The following ALDH1A2 variants were observed in gnomAD, a reference collection of about 807,000 sequenced individuals.
The protein encoded by ALDH1A2 is aldehyde dehydrogenase 1 family member A2.
In ALDH1A2, 27 loss-of-function variants were observed where a neutral mutation model predicts 60.3. The ratio of observed to expected loss-of-function variants is 0.45; its 90% CI spans 0.33 to 0.62. The LOEUF (loss-of-function observed/expected upper bound fraction) is 0.62. ALDH1A2 is among the 20% of genes least tolerant of loss of function. The pLI, the probability that ALDH1A2 is intolerant of heterozygous loss-of-function variation, is 0.02. For synonymous variants in ALDH1A2, 289 were observed against 232.4 expected (o/e 1.24, Z -2.21); for missense variants, 581 against 643.8 (o/e 0.90, Z 1.06).
At chr15:58,015,407 T>C (rs1396855357) in intron 1 of ALDH1A2, among the ~76,000 whole-genome samples, 2 of 152,218 alleles carry the variant, frequency 1.3e-5, no homozygotes, top group African/African-American at 4.8e-5. Context: ...AAACTATAAC[T>C]TTCTTTTCCC....
At chr15:58,000,835 T>C (rs1442524458) in intron 4 of ALDH1A2, among the ~76,000 whole-genome samples, 1 of 151,782 alleles carries the variant, frequency 6.6e-6, no homozygotes, top group African/African-American at 2.4e-5. Flanking sequence ...ATGCTTCTGA[T>C]CCACAGACCA....
chr15:57,968,906 GAGA>G (rs1893977149), intron 7 of ALDH1A2, among the ~76,000 whole-genome samples: 1 of 152,180 alleles, frequency 6.6e-6, no homozygotes, highest in African/African-American at 2.4e-5. Flanking sequence ...ATGATCATCA[GAGA>G]AGAATACCTA....
chr15:57,974,388 G>C (rs374193057), intron 7 of ALDH1A2, among the ~76,000 whole-genome samples: 1 of 144,722 alleles, frequency 6.9e-6, no homozygotes, highest in Non-Finnish European at 1.5e-5. Flanking sequence ...AGCCAAGATC[G>C]CGCCACTGCA....
chr15:58,013,963 C>T lies in ALDH1A2; in HGVS notation c.258G>A (p.Leu86=), dbSNP rs61757678. 3.1e-4 allele frequency: 504 copies of T among 1,613,952 alleles called. No homozygotes were observed. Among genetic ancestry groups the T allele is most frequent in the Non-Finnish European group, 4.1e-4 (478 of 1,180,002 alleles). ...TCCACACTGAACCAAGAGAGAAAGC[C>T]AGGCGGGCTGCCTGCACTGCTTTGT... The part of the protein sequence containing the change: ...DIDKAVQAAR[L]AFSLGSVWRR... The change falls in exon 3 of 13, where the codon CTG becomes CTA. Residue 86 remains leucine (L), a synonymous_variant. Coordinates refer to ENST00000249750, the MANE Select transcript of ALDH1A2 (RefSeq NM_003888.4).
At chr15:58,018,808 A>G (rs55866609) in intron 1 of ALDH1A2, among the ~76,000 whole-genome samples, 2 of 152,116 alleles carry the variant, frequency 1.3e-5, no homozygotes, top group Non-Finnish European at 2.9e-5. Context: ...CCACAAAATA[A>G]TTGTCCTATA....
chr15:57,988,225 G>C (rs547657622), intron 7 of ALDH1A2, among the ~76,000 whole-genome samples: 1 of 152,300 alleles, frequency 6.6e-6, no homozygotes, highest in East Asian at 1.9e-4. Flanking sequence ...GCTGCTGTAT[G>C]GTTACCACAC....
chr15:58,033,944 T>A (rs888477758), intron 1 of ALDH1A2, among the ~76,000 whole-genome samples: 1 of 151,636 alleles, frequency 6.6e-6, no homozygotes, highest in South Asian at 2.1e-4. Flanking sequence ...TTTGTTCTTT[T>A]CCTTCAATAT....
chr15:58,048,467 G>A (rs953385132), intron 1 of ALDH1A2, among the ~76,000 whole-genome samples: 1 of 152,094 alleles, frequency 6.6e-6, no homozygotes, highest in African/African-American at 2.4e-5. Flanking sequence ...GTCACTAGTC[G>A]TGTTCCCCAG....
chr15:57,989,162 G>A (rs1270077530), intron 7 of ALDH1A2, among the ~76,000 whole-genome samples: 5 of 152,144 alleles, frequency 3.3e-5, no homozygotes, highest in African/African-American at 1.2e-4. Context: ...AATGTTACTC[G>A]TTTTTAGACT....
chr15:57,962,580 TTTTAGA>T (rs539961776), intron 9 of ALDH1A2, among the ~76,000 whole-genome samples: 110 of 152,306 alleles, frequency 7.2e-4, no homozygotes, highest in Non-Finnish European at 1.2e-3. Context: ...CACACAGCCT[TTTTAGA>T]TAGTGCTACA....
At chr15:58,047,808 A>G (rs1896671648) in intron 1 of ALDH1A2, among the ~76,000 whole-genome samples, 1 of 152,016 alleles carries the variant, frequency 6.6e-6, no homozygotes, top group South Asian at 2.1e-4. Context: ...GCTTCACGCC[A>G]AAACATCTGG....
chr15:57,997,381 G>A (rs1350523351), intron 4 of ALDH1A2, among the ~76,000 whole-genome samples: 1 of 151,986 alleles, frequency 6.6e-6, no homozygotes, highest in Non-Finnish European at 1.5e-5. Context: ...TTCTGCAACT[G>A]AACTCTCTAA....
chr15:57,977,293 T>C (rs1359467441), intron 7 of ALDH1A2, among the ~76,000 whole-genome samples: 1 of 152,192 alleles, frequency 6.6e-6, no homozygotes, highest in Non-Finnish European at 1.5e-5. Context: ...TTGCCTTTGG[T>C]GTTCTAGTCA....
intron 1 of ALDH1A2, among the ~76,000 whole-genome samples, chr15:58,056,850 C>T (rs548858578): frequency 6.6e-6 from 1 of 151,994 alleles, no homozygotes; most frequent in South Asian, 2.1e-4. Flanking sequence ...TTCACACTTA[C>T]CAGGTTAGCA....
intron 7 of ALDH1A2, among the ~76,000 whole-genome samples, chr15:57,974,221 CAGG>C (rs1338223286): frequency 6.6e-6 from 1 of 152,034 alleles, no homozygotes; most frequent in South Asian, 2.1e-4. Flanking sequence ...ATCACGTGGT[CAGG>C]AGATCAAGAC....
At chr15:57,977,690 T>G (rs1399915727) in intron 7 of ALDH1A2, among the ~76,000 whole-genome samples, 1 of 152,248 alleles carries the variant, frequency 6.6e-6, no homozygotes, top group African/African-American at 2.4e-5. Context: ...CTGTCTTGGC[T>G]ATACAGGGTC....
At chr15:57,993,121 C>A in intron 5 of ALDH1A2, 48 bp from the exon 6 acceptor site, 1 of 1,604,136 alleles carries the variant, frequency 6.2e-7, no homozygotes, top group African/African-American at 1.3e-5. Flanking sequence ...CATTCTTCCA[C>A]TACTTTGTTT....
intron 1 of ALDH1A2, among the ~76,000 whole-genome samples, chr15:58,060,503 A>G (rs1433249872): frequency 8.6e-6 from 1 of 115,904 alleles, no homozygotes; most frequent in Non-Finnish European, 1.6e-5. Context: ...TTGCATCCCT[A>G]GGACCTGGCA....
At chr15:57,991,051 C>G (rs1894880783) in intron 7 of ALDH1A2, among the ~76,000 whole-genome samples, 1 of 152,164 alleles carries the variant, frequency 6.6e-6, no homozygotes, top group African/African-American at 2.4e-5. Context: ...CCTGTCTCTT[C>G]TGATTAAATC....
Sources: gnomAD v4.1 joint callset for allele counts (sites outside exome capture counted in the v4.1 genomes callset) on GRCh38, gnomAD v4.1.1 for gene constraint, MANE v1.5 for transcripts, NCBI Gene and HGNC (gene_info 2026-07-23, HGNC 2026-07-21) for gene names.